Variants in MYO16 observed in about 807,000 individuals in gnomAD.
MYO16 encodes the protein myosin XVI, also known as unconventional myosin-XVI.
A neutral mutation model predicts 205.3 loss-of-function variants in MYO16; 94 were observed. The observed-to-expected ratio is 0.46, with a 90% CI of 0.39 to 0.54. The LOEUF (loss-of-function observed/expected upper bound fraction) is 0.54. Among genes scored for constraint, MYO16 ranks in the 20% least tolerant of loss-of-function variants. The pLI, the probability that MYO16 is intolerant of heterozygous loss-of-function variation, is 0.00. For missense variants in MYO16, 2,315 were observed against 2,387.5 expected (o/e 0.97, Z 0.63); for synonymous variants, 988 against 954.0 (o/e 1.04, Z -0.66).
intron 28 of MYO16, among the ~76,000 whole-genome samples, chr13:109,117,438 G>GTGTATATGTGTATATATATA: frequency 7.1e-6 from 1 of 141,316 alleles, no homozygotes; most frequent in Admixed American, 7.2e-5. Flanking sequence ...GTATATATAT[G>GTGTATATGTGTATATATATA]TATATATATG....
intron 7 of MYO16, among the ~76,000 whole-genome samples, chr13:108,814,265 C>T (rs1439860699): frequency 4.6e-5 from 7 of 152,098 alleles, no homozygotes; most frequent in Non-Finnish European, 1.0e-4. Flanking sequence ...GATATAAAAG[C>T]TTTAGCATTA....
At chr13:108,762,964 T>C (rs934110517) in intron 4 of MYO16, among the ~76,000 whole-genome samples, 10 of 152,132 alleles carry the variant, frequency 6.6e-5, no homozygotes, top group African/African-American at 2.4e-4. Context: ...CACCAATTAA[T>C]ATTTTAGAAT....
At chr13:108,612,907 C>T (rs1401219119) in intron 1 of MYO16, among the ~76,000 whole-genome samples, 4 of 152,088 alleles carry the variant, frequency 2.6e-5, no homozygotes, top group East Asian at 1.9e-4. Context: ...GTATGCAACT[C>T]GGGGAGATGT....
rs138786604 is a variant in MYO16, at chr13:109,114,416, G to A, written c.3439-5954G>A. On this transcript the variant is annotated intron_variant, in intron 28 of 34. Coordinates refer to ENST00000457511, the MANE Select transcript of MYO16 (RefSeq NM_001198950.3). Reference sequence around the variant, plus strand: ...TTTAGTCTGGAGCCTAGAGAGCTCCGATTCATCTTATCTCTGGCACTAACT... The same window carrying A: ...TTTAGTCTGGAGCCTAGAGAGCTCCAATTCATCTTATCTCTGGCACTAACT... Among the ~76,000 whole-genome samples, 670 of 152,288 alleles carry A rather than the reference G, an allele frequency of 4.4e-3. 3 individuals are homozygous for A. The highest frequency in any genetic ancestry group is 0.015 in the African/African-American group (644 of 41,558).
At chr13:108,798,688 ATTTTTTTTTTTTTTTTTTT>A (rs35432777) in intron 6 of MYO16, among the ~76,000 whole-genome samples, 8 of 70,352 alleles carry the variant, frequency 1.1e-4, no homozygotes, top group Non-Finnish European at 2.0e-4. Flanking sequence ...CCCGAGGCTT[ATTTTTTTTTTTTTTTTTTT>A]TTTTTTTTTG....
the MYO16 span, among the ~76,000 whole-genome samples, chr13:108,558,197 C>T: frequency 3.3e-4 from 51 of 152,286 alleles, no homozygotes; most frequent in African/African-American, 1.2e-3. Flanking sequence ...GCAGATTCTC[C>T]CCTTTTTATA....
At chr13:108,969,386 C>T (rs144545265) in intron 20 of MYO16, among the ~76,000 whole-genome samples, 2,264 of 152,260 alleles carry the variant, frequency 0.015, 31 homozygotes, top group South Asian at 0.035. Context: ...TAACAAAGTC[C>T]TTGTTTAAAC....
chr13:108,627,651 G>A (rs898220510), upstream of MYO16, among the ~76,000 whole-genome samples: 1 of 152,068 alleles, frequency 6.6e-6, no homozygotes, highest in South Asian at 2.1e-4. Flanking sequence ...CTTGGTTAAA[G>A]TTCTTATAAG....
the MYO16 span, among the ~76,000 whole-genome samples, chr13:108,572,360 T>G: frequency 6.6e-6 from 1 of 152,056 alleles, no homozygotes; most frequent in Non-Finnish European, 1.5e-5. Context: ...TTTAAATAAC[T>G]TAAAATACAA....
chr13:109,097,906 C>A (rs898724125), intron 27 of MYO16, among the ~76,000 whole-genome samples: 2 of 152,142 alleles, frequency 1.3e-5, no homozygotes, highest in African/African-American at 4.8e-5. Flanking sequence ...CAGGAAAAGT[C>A]ATACACTGAC....
chr13:109,049,749 T>G (rs1887178015), intron 24 of MYO16, among the ~76,000 whole-genome samples: 1 of 152,182 alleles, frequency 6.6e-6, no homozygotes, highest in Non-Finnish European at 1.5e-5. Flanking sequence ...TATTATGTAT[T>G]TATCATTTAA....
chr13:108,549,597 T>C, the MYO16 span, among the ~76,000 whole-genome samples: 1 of 151,998 alleles, frequency 6.6e-6, no homozygotes, highest in African/African-American at 2.4e-5. Context: ...AAATGAAAGA[T>C]AGAATGAAGC....
chr13:108,898,502 G>A (rs1230833243), intron 15 of MYO16, among the ~76,000 whole-genome samples: 1 of 151,942 alleles, frequency 6.6e-6, no homozygotes, highest in East Asian at 1.9e-4. Flanking sequence ...TATATAATGA[G>A]AAACCAAACC....
chr13:108,881,997 G>T (rs1463531207), intron 12 of MYO16, among the ~76,000 whole-genome samples: 1 of 152,174 alleles, frequency 6.6e-6, no homozygotes, highest in Non-Finnish European at 1.5e-5. Flanking sequence ...ATAATTGTCA[G>T]ATTCACCAAA....
At chr13:108,505,496 C>T in the MYO16 span, among the ~76,000 whole-genome samples, 2 of 152,056 alleles carry the variant, frequency 1.3e-5, no homozygotes, top group Middle Eastern at 3.2e-3. Context: ...TTATGCAAAT[C>T]CTTTGTTCGT....
At chr13:108,982,586 C>A (rs920225778) in intron 20 of MYO16, among the ~76,000 whole-genome samples, 1 of 152,088 alleles carries the variant, frequency 6.6e-6, no homozygotes, top group Admixed American at 6.5e-5. Context: ...GTAATTTTAT[C>A]TTTTAATTGG....
At chr13:108,735,850 T>A (rs1017255606) in intron 4 of MYO16, among the ~76,000 whole-genome samples, 23 of 152,036 alleles carry the variant, frequency 1.5e-4, no homozygotes, top group Non-Finnish European at 3.1e-4. Context: ...TGGTGTGAGA[T>A]GGTATCTCAT....
intron 16 of MYO16, among the ~76,000 whole-genome samples, chr13:108,928,988 A>G (rs1882133540): frequency 6.6e-6 from 1 of 152,238 alleles, no homozygotes; most frequent in South Asian, 2.1e-4. Flanking sequence ...AAGTAAAGGT[A>G]AACAAAGTCA....
chr13:108,660,242 C>A lies in MYO16; in HGVS notation c.29-5644C>A, dbSNP rs543612772. Among the ~76,000 whole-genome samples, 16 of 152,262 alleles carry A rather than the reference C, an allele frequency of 1.1e-4. No individual in the cohort carries two copies. In the South Asian group the frequency reaches 2.7e-3, roughly 26 times the overall value. On this transcript the variant is annotated intron_variant, in intron 1 of 34. Coordinates refer to ENST00000457511, the MANE Select transcript of MYO16 (RefSeq NM_001198950.3). ...CTTGTTAAAAGGGAATTTTGAGTGA[C>A]CCCCATGAGGAAGGGTATCTGTTGA...
Sources: gnomAD v4.1 joint callset for allele counts (sites outside exome capture counted in the v4.1 genomes callset) on GRCh38, gnomAD v4.1.1 for gene constraint, MANE v1.5 for transcripts, NCBI Gene and HGNC (gene_info 2026-07-23, HGNC 2026-07-21) for gene names.